Variants in RBMS3 observed in about 807,000 individuals in gnomAD.
RBMS3 encodes the protein RNA binding motif single stranded interacting protein 3.
A neutral mutation model predicts 66.8 loss-of-function variants in RBMS3; 27 were observed. The ratio of observed to expected loss-of-function variants is 0.40; its 90% CI spans 0.30 to 0.56. The LOEUF (loss-of-function observed/expected upper bound fraction) is 0.56, where lower values mean the gene tolerates loss of function less well. Among genes scored for constraint, RBMS3 ranks in the 20% least tolerant of loss-of-function variants. RBMS3 has a pLI of 0.40. For synonymous variants in RBMS3, 188 were observed against 183.0 expected (o/e 1.03, Z -0.22); for missense variants, 513 against 549.5 (o/e 0.93, Z 0.66).
At chr3:29,727,685 G>A (rs568480675) in intron 4 of RBMS3, among the ~76,000 whole-genome samples, 10 of 152,160 alleles carry the variant, frequency 6.6e-5, no homozygotes, top group African/African-American at 2.2e-4. Flanking sequence ...TAGAATGGCA[G>A]TTATTAAAAA....
intron 4 of RBMS3, among the ~76,000 whole-genome samples, chr3:29,594,593 T>C (rs1165883895): frequency 6.6e-6 from 1 of 152,192 alleles, no homozygotes; most frequent in Non-Finnish European, 1.5e-5. Context: ...TAAAAATATA[T>C]AAGTATTATT....
chr3:29,611,521 T>C (rs1414015311), intron 4 of RBMS3, among the ~76,000 whole-genome samples: 4 of 151,820 alleles, frequency 2.6e-5, no homozygotes, highest in South Asian at 2.1e-4. Flanking sequence ...TTTTATGTAA[T>C]TGCATACTGT....
intron 4 of RBMS3, among the ~76,000 whole-genome samples, chr3:29,706,786 G>T: frequency 6.6e-6 from 1 of 152,158 alleles, no homozygotes; most frequent in African/African-American, 2.4e-5. Context: ...AAACCTTTGT[G>T]CACAGGATAT....
At chr3:29,631,139 A>G (rs922081603) in intron 4 of RBMS3, among the ~76,000 whole-genome samples, 6 of 151,972 alleles carry the variant, frequency 3.9e-5, no homozygotes, top group Non-Finnish European at 5.9e-5. Context: ...CTTTCTCCTA[A>G]TTGCATTATA....
intron 12 of RBMS3, among the ~76,000 whole-genome samples, chr3:29,947,540 T>C (rs1445348305): frequency 6.6e-6 from 1 of 151,532 alleles, no homozygotes; most frequent in South Asian, 2.1e-4. Context: ...GAGTCACCTC[T>C]TGTTGCCTAC....
intron 1 of RBMS3, among the ~76,000 whole-genome samples, chr3:29,430,841 A>T (rs1423344756): frequency 6.6e-6 from 1 of 152,102 alleles, no homozygotes; most frequent in East Asian, 1.9e-4. Context: ...ATTTGGAGAG[A>T]GGGGAGGTGA....
intron 4 of RBMS3, among the ~76,000 whole-genome samples, chr3:29,728,338 C>G (rs967245383): frequency 6.6e-6 from 1 of 152,094 alleles, no homozygotes; most frequent in South Asian, 2.1e-4. Context: ...CAAACCTGCA[C>G]GTTCTGCACA....
intron 2 of RBMS3, among the ~76,000 whole-genome samples, chr3:29,488,203 T>C (rs527535303): frequency 3.2e-4 from 48 of 152,316 alleles, no homozygotes; most frequent in African/African-American, 1.0e-3. Context: ...TGGCTGCCTG[T>C]GACAGCCTGA....
intron 4 of RBMS3, among the ~76,000 whole-genome samples, chr3:29,681,257 G>C (rs1001930356): frequency 6.6e-6 from 1 of 152,186 alleles, no homozygotes; most frequent in Admixed American, 6.5e-5. Flanking sequence ...TGTACAAAGA[G>C]AAAGCTAATC....
intron 3 of RBMS3, among the ~76,000 whole-genome samples, chr3:29,544,382 CA>C: frequency 7.5e-6 from 1 of 134,004 alleles, no homozygotes; most frequent in East Asian, 2.2e-4. Context: ...AGAAGTCTTA[CA>C]AATTTGTTTT....
chr3:29,894,112 T>G (rs1259812077), intron 8 of RBMS3, among the ~76,000 whole-genome samples: 4 of 151,578 alleles, frequency 2.6e-5, no homozygotes, highest in East Asian at 1.9e-4. Context: ...ACACAAAAAT[T>G]TATCTTTCCT....
intron 6 of RBMS3, 116 bp from the exon 7 acceptor site, chr3:29,868,742 C>T: frequency 1.1e-6 from 1 of 928,398 alleles, no homozygotes; most frequent in Non-Finnish European, 1.6e-6. Context: ...AATATCTCTT[C>T]AGAAGCAAGA....
chr3:29,547,703 T>C (rs1343006052), intron 3 of RBMS3, among the ~76,000 whole-genome samples: 13 of 152,118 alleles, frequency 8.5e-5, no homozygotes, highest in Admixed American at 8.5e-4. Context: ...GAACGACTTT[T>C]CATTTCTTAG....
At chr3:29,913,271 A>G (rs1048733774) in intron 10 of RBMS3, among the ~76,000 whole-genome samples, 2 of 152,014 alleles carry the variant, frequency 1.3e-5, no homozygotes, top group African/African-American at 4.8e-5. Flanking sequence ...AAACCATTCT[A>G]TCTTACAATA....
At position 29,425,802 on chromosome 3, in the gene RBMS3, GT is replaced by G. The variant is rs1363385819; in HGVS notation, c.76-8939del. ...TCTGATTGCATTTGACATTGACATGGTTGGCTAGCCCAGAAATCTCCATAAA... is the reference window on the plus strand; with the variant it reads ...TCTGATTGCATTTGACATTGACATGGTGGCTAGCCCAGAAATCTCCATAAA... On this transcript the variant is annotated intron_variant, in intron 1 of 14. Transcript: ENST00000383767. Among the ~76,000 whole-genome samples, 4 of 152,246 alleles carry G rather than the reference GT, an allele frequency of 2.6e-5. No homozygotes were observed. The East Asian group carries it at 7.7e-4, about 29-fold the overall frequency.
intron 4 of RBMS3, among the ~76,000 whole-genome samples, chr3:29,716,968 G>T (rs2053425682): frequency 6.6e-6 from 1 of 151,798 alleles, no homozygotes; most frequent in African/African-American, 2.4e-5. Flanking sequence ...TTTTATTTTA[G>T]CAGCAGCATT....
intron 3 of RBMS3, among the ~76,000 whole-genome samples, chr3:29,510,190 T>A (rs1237148398): frequency 6.6e-6 from 1 of 152,240 alleles, no homozygotes; most frequent in Non-Finnish European, 1.5e-5. Context: ...TTTCATTCTT[T>A]ATCAAGTCTG....
In RBMS3 at chr3:29,895,517, C is replaced by T. The variant is rs752772675; in HGVS notation, c.792-1862C>T. Among the ~76,000 whole-genome samples, 2 of 151,558 alleles carry T rather than the reference C, an allele frequency of 1.3e-5. 1 individual carries two copies. The highest frequency in any genetic ancestry group is 4.2e-4 in the South Asian group (2 of 4,818). On this transcript the variant is annotated intron_variant, in intron 8 of 14. Coordinates refer to ENST00000383767, the MANE Select transcript of RBMS3 (RefSeq NM_001003793.3). Reference sequence around the variant, plus strand: ...ATAGTACATACCCTTTTGAGTCTGACGTCTTCCATTTAGCAAAATTTACTT... The same window carrying T: ...ATAGTACATACCCTTTTGAGTCTGATGTCTTCCATTTAGCAAAATTTACTT...
At chr3:29,995,657 C>T (rs1699179624) in intron 14 of RBMS3, among the ~76,000 whole-genome samples, 1 of 151,926 alleles carries the variant, frequency 6.6e-6, no homozygotes, top group Non-Finnish European at 1.5e-5. Flanking sequence ...ATTTCATATC[C>T]AGCCAAACTA....
Sources: allele counts gnomAD v4.1 joint callset (sites outside exome capture counted in the v4.1 genomes callset), GRCh38; gene constraint gnomAD v4.1.1; transcripts MANE v1.5; gene names NCBI Gene and HGNC (gene_info 2026-07-23, HGNC 2026-07-21).